The following TRIM2 variants were observed in gnomAD, a reference collection of about 807,000 sequenced individuals.
TRIM2 encodes tripartite motif-containing protein 2.
TRIM2 carries 20 observed loss-of-function variants against 75.2 expected under a neutral mutation model. That is an observed-to-expected ratio of 0.27 (90% CI 0.19 to 0.39). The LOEUF (loss-of-function observed/expected upper bound fraction) is 0.39. Ranked by LOEUF, TRIM2 falls within the 10% of genes least tolerant of loss-of-function variation. TRIM2 has a pLI of 1.00. For missense variants in TRIM2, 660 were observed against 990.8 expected (o/e 0.67, Z 4.48); for synonymous variants, 373 against 388.3 (o/e 0.96, Z 0.46).
chr4:153,164,863 G>T (rs1730130011), intron 1 of TRIM2, among the ~76,000 whole-genome samples: 1 of 152,076 alleles, frequency 6.6e-6, no homozygotes, highest in Non-Finnish European at 1.5e-5. Context: ...TATTGTCACT[G>T]CTGAGTCAAG....
chr4:153,263,128 C>T (rs1041042229), intron 1 of TRIM2, among the ~76,000 whole-genome samples: 23 of 151,970 alleles, frequency 1.5e-4, no homozygotes, highest in Admixed American at 3.9e-4. Flanking sequence ...CCCAAGAGTC[C>T]GAAACCAGCT....
intron 9 of TRIM2, 50 bp downstream of exon 9, chr4:153,322,866 C>T (rs775345556): frequency 6.2e-7 from 1 of 1,605,398 alleles, no homozygotes; most frequent in Non-Finnish European, 8.5e-7. Context: ...TTCTTCTGCT[C>T]ACATTTGCAT....
rs1062835 is a variant in TRIM2 at position 153,337,493 on chromosome 4, C to G, written c.*2527C>G. On this transcript the variant is annotated 3_prime_UTR_variant, in exon 12 of 12. Coordinates refer to ENST00000338700, the MANE Select transcript of TRIM2 (RefSeq NM_015271.5). ...GCTAAAACACATGCTATGAGCACTC[C>G]AGGAAACACTATATTTTTTCCAAAA... 208,748 of 985,500 alleles carry G rather than the reference C, an allele frequency of 0.21. 22,434 individuals are homozygous for G. The highest frequency in any genetic ancestry group is 0.28 in the South Asian group (5,966 of 21,280). The allele number at this position is 985,500 out of a possible 1,614,324, so 61.0% of individuals were successfully genotyped here.
At chr4:153,332,548 G>A (rs914411272) in intron 11 of TRIM2, among the ~76,000 whole-genome samples, 12 of 152,082 alleles carry the variant, frequency 7.9e-5, no homozygotes, top group African/African-American at 2.9e-4. Flanking sequence ...GGGAGGCTGA[G>A]GCAGGAGAAT....
Position 153,337,315 on chromosome 4 carries a change from T to C in TRIM2, c.*2349T>C. The C allele has an allele frequency of 1.0e-6, 1 of 985,876 alleles. No individual in the cohort carries two copies. The highest frequency in any genetic ancestry group is 1.1e-4 in the East Asian group (1 of 8,822). 61.1% of individuals were successfully genotyped at this position (985,876 alleles called of 1,614,324 possible). A position where few individuals can be genotyped will look rare whatever the true frequency, so the allele number is the denominator to read the frequency against. On this transcript the variant is annotated 3_prime_UTR_variant, in exon 12 of 12. Coordinates refer to ENST00000338700, the MANE Select transcript of TRIM2 (RefSeq NM_015271.5). ...CAATTATATTTGTGAACTTAGAAATTAACTTACAATCTAACCAGCCATCAT... is the reference window on the plus strand; with the variant it reads ...CAATTATATTTGTGAACTTAGAAATCAACTTACAATCTAACCAGCCATCAT...
chr4:153,320,799 A>G (rs763006498), intron 8 of TRIM2, among the ~76,000 whole-genome samples: 3 of 150,472 alleles, frequency 2.0e-5, no homozygotes, highest in Non-Finnish European at 4.4e-5. Context: ...CACCCAGCTA[A>G]TTTTTGTATT....
intron 1 of TRIM2, among the ~76,000 whole-genome samples, chr4:153,236,514 C>T (rs1215532114): frequency 6.6e-6 from 1 of 152,136 alleles, no homozygotes; most frequent in Non-Finnish European, 1.5e-5. Flanking sequence ...TTTAAACAAA[C>T]AGTAGTAGTT....
upstream of TRIM2, among the ~76,000 whole-genome samples, chr4:153,200,505 C>T (rs539110834): frequency 3.2e-4 from 49 of 151,942 alleles, no homozygotes; most frequent in Admixed American, 5.2e-4. Flanking sequence ...GGGATGTACA[C>T]GTATTTGTTT....
At chr4:153,289,566 A>G (rs573581561) in intron 3 of TRIM2, among the ~76,000 whole-genome samples, 1 of 152,250 alleles carries the variant, frequency 6.6e-6, no homozygotes, top group South Asian at 2.1e-4. Context: ...TCGCGACTCT[A>G]TATTATTTTG....
intron 1 of TRIM2, among the ~76,000 whole-genome samples, chr4:153,220,995 A>G (rs549030064): frequency 6.6e-6 from 1 of 152,338 alleles, no homozygotes; most frequent in African/African-American, 2.4e-5. Flanking sequence ...CTAGGTAAAT[A>G]CCCAAGAGAA....
chr4:153,203,973 T>C (rs1440131835), upstream of TRIM2, among the ~76,000 whole-genome samples: 1 of 152,186 alleles, frequency 6.6e-6, no homozygotes, highest in Admixed American at 6.5e-5. Context: ...AGGTGAGTGC[T>C]CCTGATCAGA....
At chr4:153,164,661 T>C (rs1382806714) in intron 1 of TRIM2, among the ~76,000 whole-genome samples, 1 of 152,244 alleles carries the variant, frequency 6.6e-6, no homozygotes, top group African/African-American at 2.4e-5. Context: ...ATATCCTTCC[T>C]GAAATGTCCT....
At chr4:153,182,906 C>A (rs918487448) in intron 1 of TRIM2, among the ~76,000 whole-genome samples, 9 of 152,170 alleles carry the variant, frequency 5.9e-5, no homozygotes, top group African/African-American at 2.2e-4. Context: ...TATCCCAATA[C>A]CCCAGTTATT....
chr4:153,314,280 C>T (rs1011262333), intron 6 of TRIM2, among the ~76,000 whole-genome samples: 4 of 145,478 alleles, frequency 2.7e-5, no homozygotes, highest in African/African-American at 1.1e-4. Flanking sequence ...ATTAGCCGGG[C>T]GTAGTGGCGG....
At chr4:153,182,726 T>C (rs1732195698) in intron 1 of TRIM2, among the ~76,000 whole-genome samples, 1 of 152,230 alleles carries the variant, frequency 6.6e-6, no homozygotes, top group Admixed American at 6.5e-5. Flanking sequence ...AACCTAATAC[T>C]TGGGTTAAAT....
intron 1 of TRIM2, among the ~76,000 whole-genome samples, chr4:153,227,837 G>C (rs886945740): frequency 6.6e-6 from 1 of 152,140 alleles, no homozygotes; most frequent in Non-Finnish European, 1.5e-5. Context: ...ATAATAGTTT[G>C]CCTTAGCAGC....
At chr4:153,226,965 A>G (rs1197565700) in intron 1 of TRIM2, among the ~76,000 whole-genome samples, 1 of 152,266 alleles carries the variant, frequency 6.6e-6, no homozygotes, top group Non-Finnish European at 1.5e-5. Context: ...TGGAAAGTAC[A>G]ATAGCCTAAA....
intron 11 of TRIM2, among the ~76,000 whole-genome samples, chr4:153,330,719 G>C (rs1263094377): frequency 6.6e-6 from 1 of 152,110 alleles, no homozygotes. Flanking sequence ...CTCTCAACTT[G>C]ATAAACAACA....
chr4:153,171,199 T>C (rs933637556), intron 1 of TRIM2, among the ~76,000 whole-genome samples: 1 of 152,154 alleles, frequency 6.6e-6, no homozygotes, highest in African/African-American at 2.4e-5. Context: ...TAGATACTTA[T>C]CCTGTACATA....
Sources: gnomAD v4.1 joint callset for allele counts (sites outside exome capture counted in the v4.1 genomes callset) on GRCh38, gnomAD v4.1.1 for gene constraint, MANE v1.5 for transcripts, NCBI Gene and HGNC (gene_info 2026-07-23, HGNC 2026-07-21) for gene names.